The following LEMD1 variants were observed in gnomAD, a reference collection of about 807,000 sequenced individuals.
The protein encoded by LEMD1 is LEM domain containing 1.
LEMD1 carries 18 observed loss-of-function variants against 17.4 expected under a neutral mutation model. The ratio of observed to expected loss-of-function variants is 1.04; its 90% CI spans 0.72 to 1.54. The LOEUF is 1.54. LEMD1 is among the 40% of genes most tolerant of loss of function. The pLI, the probability that LEMD1 is intolerant of heterozygous loss-of-function variation, is 0.00. For missense variants in LEMD1, 195 were observed against 210.4 expected (o/e 0.93, Z 0.45); for synonymous variants, 88 against 77.8 (o/e 1.13, Z -0.69).
chr1:205,402,751 G>A lies in LEMD1; in HGVS notation c.270+13481C>T, dbSNP rs1224756769. ...TCCAACACTATGTTGAATAGGAGTG[G>A]TGAGAGAGGGCATCCCTGTCTTGTG... On this transcript the variant is annotated intron_variant, in intron 4 of 5. Transcript: ENST00000367153. Among the ~76,000 whole-genome samples, 737 of 150,832 alleles carry A rather than the reference G, an allele frequency of 4.9e-3. 4 individuals carry two copies. Among genetic ancestry groups the A allele is most frequent in the African/African-American group, 0.017 (691 of 40,948 alleles).
chr1:205,439,921 G>A (rs1666265476), intron 1 of LEMD1, among the ~76,000 whole-genome samples: 1 of 152,034 alleles, frequency 6.6e-6, no homozygotes, highest in African/African-American at 2.4e-5. Context: ...CCTGGAAATG[G>A]GCTGGGGGTA....
chr1:205,434,698 C>A (rs1407865652), intron 1 of LEMD1, among the ~76,000 whole-genome samples: 1 of 152,130 alleles, frequency 6.6e-6, no homozygotes, highest in Non-Finnish European at 1.5e-5. Flanking sequence ...CCAAAGCCTC[C>A]TTCTTGGCCC....
chr1:205,434,173 A>G (rs1381258177), intron 1 of LEMD1, among the ~76,000 whole-genome samples: 1 of 117,032 alleles, frequency 8.5e-6, no homozygotes, highest in East Asian at 2.8e-4. Context: ...AGCCCAACTA[A>G]GGATTCTTAT....
chr1:205,417,375 G>A (rs1316012411), intron 3 of LEMD1, among the ~76,000 whole-genome samples: 1 of 152,166 alleles, frequency 6.6e-6, no homozygotes, highest in Non-Finnish European at 1.5e-5. Flanking sequence ...CAGGACGGCG[G>A]GGACTGAGAC....
intron 4 of LEMD1, among the ~76,000 whole-genome samples, chr1:205,394,363 TTTATTTAATTAATTAA>T (rs936140478): frequency 5.1e-5 from 6 of 118,254 alleles, no homozygotes; most frequent in African/African-American, 1.7e-4. Flanking sequence ...GTATTATTTG[TTTATTTAATTAATTAA>T]TTAATTAATT....
At chr1:205,419,394 T>C in intron 2 of LEMD1, 42 bp from the exon 3 acceptor site, 1 of 1,611,114 alleles carries the variant, frequency 6.2e-7, no homozygotes, top group Non-Finnish European at 8.5e-7. Context: ...GTTCTGTTTT[T>C]TGTATATGAG....
chr1:205,384,798 T>C (rs1663909073), intron 4 of LEMD1, among the ~76,000 whole-genome samples: 2 of 152,104 alleles, frequency 1.3e-5, no homozygotes, highest in African/African-American at 2.4e-5. Flanking sequence ...AAATGTTGCT[T>C]TGTAAGAGAA....
intron 1 of LEMD1, among the ~76,000 whole-genome samples, chr1:205,447,326 G>A (rs1284589303): frequency 2.0e-5 from 3 of 152,184 alleles, no homozygotes; most frequent in Non-Finnish European, 2.9e-5. Context: ...TAGAATCATG[G>A]GGTACATAGT....
rs561064706 is a variant in LEMD1, at chr1:205,398,952, C to T, written c.271-14588G>A. Among the ~76,000 whole-genome samples, 8 of 152,246 alleles carry T rather than the reference C, an allele frequency of 5.3e-5. No homozygotes were observed. In the South Asian group the frequency reaches 6.2e-4, roughly 12 times the overall value. ...AATTGAGGCTGAGTGTGGTGACTCA[C>T]GCTTGTAATCCCAGCACTTTGGGAG... is the stretch of plus-strand genomic sequence containing the variant. On this transcript the variant is annotated intron_variant, in intron 4 of 5. Transcript: ENST00000367153.
chr1:205,434,194 T>TC (rs1228611540), intron 1 of LEMD1, among the ~76,000 whole-genome samples: 2 of 57,658 alleles, frequency 3.5e-5, no homozygotes, highest in Non-Finnish European at 1.1e-4. Flanking sequence ...CTTTCTTTTT[T>TC]TTTCTCTCTC....
intron 4 of LEMD1, among the ~76,000 whole-genome samples, chr1:205,391,634 G>C (rs1055385495): frequency 6.6e-6 from 1 of 152,192 alleles, no homozygotes; most frequent in Admixed American, 6.5e-5. Flanking sequence ...TGTCAATGGA[G>C]CGCACATGGG....
chr1:205,395,689 G>A (rs1210395592), intron 4 of LEMD1, among the ~76,000 whole-genome samples: 1 of 151,128 alleles, frequency 6.6e-6, no homozygotes, highest in African/African-American at 2.4e-5. Context: ...ACCAAGAAGA[G>A]AGTAAAAAGA....
intron 4 of LEMD1, among the ~76,000 whole-genome samples, chr1:205,403,288 C>A (rs566785599): frequency 6.6e-6 from 1 of 151,972 alleles, no homozygotes; most frequent in Non-Finnish European, 1.5e-5. Flanking sequence ...ACCAGTTCCT[C>A]CTTGTACCTC....
intron 1 of LEMD1, chr1:205,437,549 C>T (rs1272348421): frequency 6.6e-6 from 1 of 152,304 alleles, no homozygotes; most frequent in African/African-American, 2.4e-5. Flanking sequence ...CTCTCACTCC[C>T]CCTCTCACTT....
intron 1 of LEMD1, among the ~76,000 whole-genome samples, chr1:205,430,172 C>A (rs1666106744): frequency 6.6e-6 from 1 of 152,228 alleles, no homozygotes; most frequent in Non-Finnish European, 1.5e-5. Flanking sequence ...AAAATGAATT[C>A]TTGCCACATA....
chr1:205,425,226 A>G (rs1364536492), upstream of LEMD1, among the ~76,000 whole-genome samples: 1 of 152,238 alleles, frequency 6.6e-6, no homozygotes, highest in African/African-American at 2.4e-5. Context: ...AGCCAGCAGC[A>G]ATGCAGATAA....
chr1:205,384,374 A>T lies in LEMD1; in HGVS notation c.271-10T>A. On this transcript the variant is annotated splice_polypyrimidine_tract_variant and intron_variant, in intron 4 of 5. Coordinates refer to ENST00000367153, the MANE Select transcript of LEMD1 (RefSeq NM_001199050.2). ...TGGAAGCCTCAGGCCACTGATAAAC[A>T]GAAAGAAAATGTCAAGAGGAATTTG... 6.8e-7 allele frequency: 1 copy of T among 1,481,428 alleles called. No individual in the cohort carries two copies. Among genetic ancestry groups the T allele is most frequent in the Non-Finnish European group, 9.0e-7 (1 of 1,112,686 alleles). 91.8% of individuals were successfully genotyped at this position (1,481,428 alleles called of 1,614,324 possible). A position where few individuals can be genotyped will look rare whatever the true frequency, so the allele number is the denominator to read the frequency against.
At chr1:205,440,918 G>A (rs1258007658) in intron 1 of LEMD1, 1 of 152,350 alleles carries the variant, frequency 6.6e-6, no homozygotes, top group African/African-American at 2.4e-5. Context: ...AGGGGCCCTG[G>A]TTCTGATCAC....
chr1:205,448,541 T>TCACCATCTTC lies in LEMD1; in HGVS notation c.-39+1317_-39+1326dup. On this transcript the variant is annotated intron_variant, in intron 1 of 3. Coordinates refer to the LEMD1 transcript ENST00000367154. The surrounding 1 kb of genome is among the most constrained non-coding windows in gnomAD (Gnocchi z 4.7). ...ACTGGGCCCCCCAGGTTAAATTCTC[T>TCACCATCTTC]CACCATCTTCCACCACCTGCACTAA... 1 of 370,376 alleles carries TCACCATCTTC rather than the reference T, an allele frequency of 2.7e-6. No homozygotes were observed. Among genetic ancestry groups the TCACCATCTTC allele is most frequent in the Non-Finnish European group, 5.4e-6 (1 of 186,914 alleles). 22.9% of individuals were successfully genotyped at this position (370,376 alleles called of 1,614,324 possible). A position where few individuals can be genotyped will look rare whatever the true frequency, so the allele number is the denominator to read the frequency against.
Sources: allele counts gnomAD v4.1 joint callset (sites outside exome capture counted in the v4.1 genomes callset), GRCh38; gene constraint gnomAD v4.1.1; non-coding constraint Gnocchi (gnomAD v3.1); transcripts MANE v1.5; gene names NCBI Gene and HGNC (gene_info 2026-07-23, HGNC 2026-07-21).